MCUB: variants seen among roughly 807,000 people sequenced by gnomAD.
MCUB encodes the protein calcium uniporter regulatory subunit MCUb, mitochondrial.
Under a neutral mutation model 41.4 loss-of-function variants are expected in MCUB, and 46 were observed. That is an observed-to-expected ratio of 1.11 (90% confidence interval 0.88 to 1.42). The LOEUF is 1.42. Ranked by LOEUF, MCUB falls within the 40% of genes most tolerant of loss-of-function variation. The pLI, the probability that MCUB is intolerant of heterozygous loss-of-function variation, is 0.00. For synonymous variants in MCUB, 148 were observed against 148.2 expected (o/e 1.00, Z 0.01); for missense variants, 403 against 404.9 (o/e 1.00, Z 0.04).
chr4:109,640,146 A>G (rs189078957), intron 1 of MCUB, among the ~76,000 whole-genome samples: 1 of 152,336 alleles, frequency 6.6e-6, no homozygotes, highest in East Asian at 1.9e-4. Context: ...CAGGGAGAAT[A>G]TTACAAAGTA....
intron 1 of MCUB, among the ~76,000 whole-genome samples, chr4:109,574,733 C>G (rs1046834906): frequency 6.6e-6 from 1 of 152,146 alleles, no homozygotes; most frequent in African/African-American, 2.4e-5. Flanking sequence ...TTGAAGGTGG[C>G]AGCTGCACTC....
intron 7 of MCUB, among the ~76,000 whole-genome samples, chr4:109,687,158 C>T (rs1463439731): frequency 6.6e-6 from 1 of 151,876 alleles, no homozygotes; most frequent in Non-Finnish European, 1.5e-5. Context: ...AGTTCAAGAC[C>T]AGCCAGAGCA....
At chr4:109,640,116 ACAAGGTACATTCT>A (rs2126140050) in intron 1 of MCUB, among the ~76,000 whole-genome samples, 2 of 152,336 alleles carry the variant, frequency 1.3e-5, no homozygotes, top group South Asian at 4.1e-4. Context: ...GGTGGATCTC[ACAAGGTACATTCT>A]CAAGGGCAGG....
chr4:109,603,949 G>A (rs1391168782), intron 1 of MCUB, among the ~76,000 whole-genome samples: 1 of 152,208 alleles, frequency 6.6e-6, no homozygotes, highest in Non-Finnish European at 1.5e-5. Context: ...TAGAAAAGGG[G>A]GAAATGTGGG....
At chr4:109,669,821 CCTT>C (rs1349827372) in intron 4 of MCUB, among the ~76,000 whole-genome samples, 12 of 152,110 alleles carry the variant, frequency 7.9e-5, no homozygotes, top group African/African-American at 2.9e-4. Context: ...CCATTAAAGG[CCTT>C]CTTCCTTTCC....
chr4:109,666,969 CATT>C (rs1561247260), intron 4 of MCUB, among the ~76,000 whole-genome samples: 1 of 152,054 alleles, frequency 6.6e-6, no homozygotes. Flanking sequence ...TCTTTTTAGA[CATT>C]GTTGTATTTT....
intron 1 of MCUB, among the ~76,000 whole-genome samples, chr4:109,588,778 A>T (rs1353853817): frequency 1.3e-5 from 2 of 152,216 alleles, no homozygotes; most frequent in East Asian, 3.8e-4. Context: ...GCCAAGTTTT[A>T]TGCTTCACTC....
At chr4:109,678,107 C>T (rs901107510) in intron 4 of MCUB, among the ~76,000 whole-genome samples, 1 of 151,920 alleles carries the variant, frequency 6.6e-6, no homozygotes, top group African/African-American at 2.4e-5. Context: ...TGACACAGCA[C>T]ATGTTTCAGA....
At chr4:109,656,354 CTTTTTTTTTTTTTT>C (rs752851425) in intron 1 of MCUB, among the ~76,000 whole-genome samples, 5,301 of 61,800 alleles carry the variant, frequency 0.086, 207 homozygotes, top group Middle Eastern at 0.12. Flanking sequence ...TTACTCTCTA[CTTTTTTTTTTTTTT>C]TTTTTTTTTT....
chr4:109,597,470 C>A (rs1727592044), intron 1 of MCUB, among the ~76,000 whole-genome samples: 1 of 142,892 alleles, frequency 7.0e-6, no homozygotes, highest in Non-Finnish European at 1.6e-5. Context: ...CTGACCCCCC[C>A]ACCTCCCTCC....
intron 1 of MCUB, among the ~76,000 whole-genome samples, chr4:109,561,436 T>C (rs1483021654): frequency 4.1e-5 from 6 of 147,040 alleles, no homozygotes; most frequent in Admixed American, 2.6e-4. Context: ...GCAGGGAATA[T>C]TTAAGTGCAT....
At chr4:109,563,314 C>A (rs780176277) in intron 1 of MCUB, among the ~76,000 whole-genome samples, 16 of 152,132 alleles carry the variant, frequency 1.1e-4, no homozygotes, top group Non-Finnish European at 2.2e-4. Flanking sequence ...GCTTAAGTAT[C>A]GAGTATGCTT....
intron 4 of MCUB, among the ~76,000 whole-genome samples, chr4:109,680,084 G>A (rs1308543117): frequency 2.0e-5 from 3 of 152,156 alleles, no homozygotes; most frequent in Non-Finnish European, 2.9e-5. Flanking sequence ...TTACAGGCGT[G>A]AACCACCTCA....
At chr4:109,585,226 T>G (rs1727279694) in intron 1 of MCUB, among the ~76,000 whole-genome samples, 2 of 152,206 alleles carry the variant, frequency 1.3e-5, no homozygotes, top group South Asian at 4.1e-4. Context: ...TCTTTTGATC[T>G]TTGCTGGTTT....
chr4:109,668,868 C>A (rs1374053105), intron 4 of MCUB, among the ~76,000 whole-genome samples: 2 of 152,034 alleles, frequency 1.3e-5, no homozygotes, highest in African/African-American at 4.8e-5. Context: ...TGCAAGTCCA[C>A]TTTCAAATAA....
At chr4:109,571,071 A>G (rs1003316948) in intron 1 of MCUB, among the ~76,000 whole-genome samples, 2 of 152,204 alleles carry the variant, frequency 1.3e-5, no homozygotes, top group Non-Finnish European at 1.5e-5. Context: ...AGGCTTGGCT[A>G]AGGAACATTC....
At chr4:109,580,612 G>C (rs1364386840) in intron 1 of MCUB, among the ~76,000 whole-genome samples, 1 of 152,106 alleles carries the variant, frequency 6.6e-6, no homozygotes, top group Non-Finnish European at 1.5e-5. Context: ...GTTTTGATTT[G>C]CATTTCTCTG....
chr4:109,682,275 T>C (rs1446581504), intron 4 of MCUB, among the ~76,000 whole-genome samples: 3 of 152,112 alleles, frequency 2.0e-5, no homozygotes, highest in Non-Finnish European at 2.9e-5. Flanking sequence ...TTATGCTCAA[T>C]TGCCTTCAGC....
intron 1 of MCUB, among the ~76,000 whole-genome samples, chr4:109,626,377 C>T (rs1728359368): frequency 6.6e-6 from 1 of 152,110 alleles, no homozygotes; most frequent in Non-Finnish European, 1.5e-5. Flanking sequence ...AGATTTAATA[C>T]TCAAAAATTT....
Sources: allele counts gnomAD v4.1 joint callset (sites outside exome capture counted in the v4.1 genomes callset), GRCh38; gene constraint gnomAD v4.1.1; transcripts MANE v1.5; gene names NCBI Gene and HGNC (gene_info 2026-07-23, HGNC 2026-07-21).